The following DCAF1 variants were observed in gnomAD, a reference collection of about 807,000 sequenced individuals.
The protein encoded by DCAF1 is DDB1 and CUL4 associated factor 1.
DCAF1 carries 15 observed loss-of-function variants against 128.0 expected under a neutral mutation model. The ratio of observed to expected loss-of-function variants is 0.12; its 90% CI spans 0.08 to 0.18. DCAF1 has a LOEUF of 0.18. Ranked by LOEUF, DCAF1 falls within the 10% of genes least tolerant of loss-of-function variation. DCAF1 has a pLI of 1.00. For synonymous variants in DCAF1, 610 were observed against 603.0 expected (o/e 1.01, Z -0.17); for missense variants, 988 against 1,649.5 (o/e 0.60, Z 6.95).
intron 18 of DCAF1, 62 bp from the exon 19 acceptor site, chr3:51,414,919 G>C: frequency 6.5e-7 from 1 of 1,549,112 alleles, no homozygotes; most frequent in Non-Finnish European, 8.7e-7. Flanking sequence ...ACAAATTAAA[G>C]AGAAAATGTG....
chr3:51,418,129 C>G lies in DCAF1; in HGVS notation c.3505G>C (p.Val1169Leu). 2 of 1,612,192 alleles carry G rather than the reference C, an allele frequency of 1.2e-6. No individual in the cohort carries two copies. The highest frequency in any genetic ancestry group is 1.7e-6 in the Non-Finnish European group (2 of 1,179,182). The change falls in exon 17 of 25, where the codon GTA (valine) becomes CTA (leucine). Residue 1169 changes from valine to leucine, a missense_variant. Val to Leu is a conservative substitution (Grantham distance 32, BLOSUM62 1). This residue lies in a region of DCAF1 where 105 missense variants were observed against 266.7 expected (regional missense o/e 0.39). Transcript: ENST00000684031. ...GCAGATACATACTTCATATCAAATA[C>G]TGACTTCATTCCCCAAAGTGCAGAC... The part of the protein sequence containing the change: ...PLSALWGMKS[V>L]FDMKHSFTED...
rs1024548983 is a variant in DCAF1, at chr3:51,483,722, G to A, written c.107C>T (p.Thr36Ile). Reference sequence around the variant, plus strand: ...GTTTTAAAAAAGTTATTCATACCTGGTAAGGATAGGTACCATGTCCTGCCC... The same window carrying A: ...GTTTTAAAAAAGTTATTCATACCTGATAAGGATAGGTACCATGTCCTGCCC... ...GSGQDMVPIL[T>I]RMSQLIEKET... is the part of the protein sequence containing the mutation. Residue 36 changes from threonine to isoleucine, a missense_variant, in exon 3 of 25, where the codon ACC (threonine) becomes ATC (isoleucine). By Grantham distance (89) the Thr-to-Ile change is moderately conservative. Coordinates refer to ENST00000684031, the MANE Select transcript of DCAF1 (RefSeq NM_001387579.1). The A allele has an allele frequency of 5.0e-6, 8 of 1,611,674 alleles. No individual in the cohort carries two copies. The highest frequency in any genetic ancestry group is 4.5e-5 in the East Asian group (2 of 44,838).
intron 23 of DCAF1, 123 bp from the exon 24 acceptor site, chr3:51,403,518 C>G: frequency 6.9e-7 from 1 of 1,446,828 alleles, no homozygotes; most frequent in East Asian, 2.5e-5. Flanking sequence ...GTGATCTAGA[C>G]GAGCACAGAC....
intron 2 of DCAF1, among the ~76,000 whole-genome samples, chr3:51,493,506 T>C (rs1707892460): frequency 1.3e-5 from 2 of 152,036 alleles, no homozygotes; most frequent in African/African-American, 4.8e-5. Flanking sequence ...GGTAGCATTA[T>C]TCACAATAGC....
At chr3:51,505,525 C>A in the DCAF1 span, among the ~76,000 whole-genome samples, 1 of 152,110 alleles carries the variant, frequency 6.6e-6, no homozygotes, top group Non-Finnish European at 1.5e-5. Context: ...GGGCTCTTAC[C>A]GTGGGGAAGT....
At chr3:51,433,362 C>G in intron 9 of DCAF1, 98 bp from the exon 10 acceptor site, 1 of 397,022 alleles carries the variant, frequency 2.5e-6, no homozygotes, top group Non-Finnish European at 4.4e-6. Context: ...CAAAAGCCCT[C>G]TAAGGAGACA....
chr3:51,416,514 A>G (rs1281670576), intron 18 of DCAF1, among the ~76,000 whole-genome samples: 1 of 152,170 alleles, frequency 6.6e-6, no homozygotes, highest in Non-Finnish European at 1.5e-5. Flanking sequence ...GAGGGTCCAT[A>G]AAGGCAGGGG....
At chr3:51,429,589 CT>C (rs74489085) in intron 11 of DCAF1, 119 bp from the exon 12 acceptor site, 40,966 of 642,562 alleles carry the variant, frequency 0.064, 4,447 homozygotes, top group East Asian at 0.32. Context: ...ACATATTCTG[CT>C]TATGTATCAG....
intron 9 of DCAF1, chr3:51,436,535 T>C (rs182281345): frequency 9.5e-5 from 42 of 440,902 alleles, no homozygotes; most frequent in South Asian, 4.3e-4. Flanking sequence ...TATGCTAGGA[T>C]AGACTGTATA....
intron 18 of DCAF1, among the ~76,000 whole-genome samples, chr3:51,415,981 T>C (rs1698844701): frequency 6.6e-6 from 1 of 152,102 alleles, no homozygotes; most frequent in African/African-American, 2.4e-5. Context: ...AGGTCCTCCA[T>C]TTCTCATAGC....
At chr3:51,455,342 A>C (rs1553642570) in intron 6 of DCAF1, among the ~76,000 whole-genome samples, 1 of 152,010 alleles carries the variant, frequency 6.6e-6, no homozygotes, top group Non-Finnish European at 1.5e-5. Flanking sequence ...ATGGTGTCTC[A>C]TGTCTGTAAT....
At chr3:51,473,965 A>T (rs1553649471) in intron 3 of DCAF1, among the ~76,000 whole-genome samples, 2 of 150,094 alleles carry the variant, frequency 1.3e-5, no homozygotes, top group African/African-American at 4.9e-5. Flanking sequence ...CACCACGCCC[A>T]GCTCATTTTT....
intron 8 of DCAF1, 132 bp downstream of exon 8, chr3:51,441,253 G>C (rs1285239044): frequency 9.4e-6 from 12 of 1,273,946 alleles, no homozygotes; most frequent in Non-Finnish European, 1.3e-5. Context: ...CATAAGACTT[G>C]AACAGTTTCA....
intron 6 of DCAF1, among the ~76,000 whole-genome samples, chr3:51,457,262 C>G (rs1320909008): frequency 5.3e-5 from 8 of 151,958 alleles, no homozygotes; most frequent in Admixed American, 5.3e-4. Context: ...AGCTACGTGA[C>G]GAATGCAGAA....
Position 51,403,401 on chromosome 3 carries a change from A to G in DCAF1, c.4213-6T>C. 6.4e-7 allele frequency: 1 copy of G among 1,551,892 alleles called. No individual in the cohort carries two copies. The highest frequency in any genetic ancestry group is 8.7e-7 in the Non-Finnish European group (1 of 1,146,988). Reference sequence around the variant, plus strand: ...TCCTCCTGTTCTTCCTCTTCCTGGTAAGAAAGCGTAATGTTCATTAGTACA... The same window carrying G: ...TCCTCCTGTTCTTCCTCTTCCTGGTGAGAAAGCGTAATGTTCATTAGTACA... On this transcript the variant is annotated splice_polypyrimidine_tract_variant and splice_region_variant and intron_variant, in intron 23 of 24. Coordinates refer to ENST00000684031, the MANE Select transcript of DCAF1 (RefSeq NM_001387579.1).
At chr3:51,489,836 TAGATAG>T (rs1249229072) in intron 2 of DCAF1, among the ~76,000 whole-genome samples, 10 of 6,916 alleles carry the variant, frequency 1.4e-3, no homozygotes, top group South Asian at 4.0e-3. Context: ...TGTGTGTATA[TAGATAG>T]ATAGATAGAT....
intron 24 of DCAF1, among the ~76,000 whole-genome samples, chr3:51,399,687 T>TA (rs34081299): frequency 0.073 from 11,098 of 152,260 alleles, 967 homozygotes; most frequent in East Asian, 0.33. Context: ...ACAGGGTACC[T>TA]AGCTTGTAGG....
chr3:51,411,571 T>C (rs61419317), intron 23 of DCAF1, among the ~76,000 whole-genome samples: 11,235 of 152,224 alleles, frequency 0.074, 973 homozygotes, highest in East Asian at 0.33. Flanking sequence ...CATGATACTA[T>C]CTACCCACAT....
At position 51,398,658 on chromosome 3, in the gene DCAF1, C is replaced by T. The variant is rs555036374; in HGVS notation, c.*111G>A. ...CATAATCTTCTGAATGCAGGGCATGCAGCTCCTTAAAAGACAGACAGCCCT... is the reference window on the plus strand; with the variant it reads ...CATAATCTTCTGAATGCAGGGCATGTAGCTCCTTAAAAGACAGACAGCCCT... On this transcript the variant is annotated 3_prime_UTR_variant, in exon 25 of 25. Coordinates refer to ENST00000684031, the MANE Select transcript of DCAF1 (RefSeq NM_001387579.1). 17 of 1,400,878 alleles carry T rather than the reference C, an allele frequency of 1.2e-5. No individual in the cohort carries two copies. Among genetic ancestry groups the T allele is most frequent in the East Asian group, 7.5e-5 (3 of 40,070 alleles). The allele number at this position is 1,400,878 out of a possible 1,614,324, so 86.8% of individuals were successfully genotyped here. A position where few individuals can be genotyped will look rare whatever the true frequency, so the allele number is the denominator to read the frequency against.
Sources: allele counts gnomAD v4.1 joint callset (sites outside exome capture counted in the v4.1 genomes callset), GRCh38; gene constraint gnomAD v4.1.1; regional missense constraint gnomAD v4.1.1; transcripts MANE v1.5; gene names NCBI Gene and HGNC (gene_info 2026-07-23, HGNC 2026-07-21).